SLC38A11: variants seen among roughly 807,000 people sequenced by gnomAD.
The protein encoded by SLC38A11 is solute carrier family 38 member 11.
A neutral mutation model predicts 49.4 loss-of-function variants in SLC38A11; 51 were observed. The observed-to-expected ratio is 1.03, with a 90% CI of 0.83 to 1.30. The LOEUF is 1.30. Ranked by LOEUF, SLC38A11 falls within the 50% of genes most tolerant of loss-of-function variation. The pLI, the probability that SLC38A11 is intolerant of heterozygous loss-of-function variation, is 0.00. For synonymous variants in SLC38A11, 203 were observed against 192.9 expected (o/e 1.05, Z -0.43); for missense variants, 574 against 556.2 (o/e 1.03, Z -0.32).
At chr2:164,938,224 G>A (rs779732452) in intron 6 of SLC38A11, among the ~76,000 whole-genome samples, 1 of 152,066 alleles carries the variant, frequency 6.6e-6, no homozygotes, top group Admixed American at 6.6e-5. Context: ...CTAGAAAGAA[G>A]TTTCTATTAT....
At chr2:164,935,157 T>C (rs1479995735) in intron 7 of SLC38A11, among the ~76,000 whole-genome samples, 1 of 151,954 alleles carries the variant, frequency 6.6e-6, no homozygotes, top group Non-Finnish European at 1.5e-5. Context: ...TATCACCTTG[T>C]ACTGTCATTG....
Position 164,952,898 on chromosome 2 carries a change from G to A in SLC38A11, c.155-117C>T, listed in dbSNP as rs919022491. 147 of 712,362 alleles carry A rather than the reference G, an allele frequency of 2.1e-4. 1 individual carries two copies. Among genetic ancestry groups the A allele is most frequent in the South Asian group, 1.9e-3 (114 of 61,312 alleles). 44.1% of individuals were successfully genotyped at this position (712,362 alleles called of 1,614,324 possible). A position where few individuals can be genotyped will look rare whatever the true frequency, so the allele number is the denominator to read the frequency against. On this transcript the variant is annotated intron_variant, in intron 2 of 11. Coordinates refer to ENST00000685975, the MANE Select transcript of SLC38A11 (RefSeq NM_001351537.2). ...AAGTCAATTTATATACTTATATGAC[G>A]TATTTGTAAGTTGCACATAGGACAG...
intron 3 of SLC38A11, among the ~76,000 whole-genome samples, chr2:164,947,362 C>T (rs746393450): frequency 2.0e-5 from 3 of 152,004 alleles, no homozygotes; most frequent in Non-Finnish European, 4.4e-5. Context: ...GAACTCCTGA[C>T]CTCAAGTGAT....
chr2:164,943,684 A>G (rs377184763), intron 5 of SLC38A11, among the ~76,000 whole-genome samples: 1 of 151,904 alleles, frequency 6.6e-6, no homozygotes, highest in East Asian at 1.9e-4. Context: ...TAGAGACAGA[A>G]TCTCTCTATG....
chr2:164,948,160 GGT>G (rs1468161963), intron 3 of SLC38A11, among the ~76,000 whole-genome samples: 9 of 152,288 alleles, frequency 5.9e-5, no homozygotes, highest in Admixed American at 3.3e-4. Context: ...CTTGAAGAGT[GGT>G]GTGAGGATTA....
chr2:164,933,433 T>C (rs149986080), intron 7 of SLC38A11, among the ~76,000 whole-genome samples: 4 of 152,174 alleles, frequency 2.6e-5, no homozygotes, highest in Admixed American at 1.3e-4. Context: ...CTGAAAGTCA[T>C]TGGACTGTGA....
At chr2:164,904,391 T>C (rs1214744179) in intron 11 of SLC38A11, among the ~76,000 whole-genome samples, 1 of 152,192 alleles carries the variant, frequency 6.6e-6, no homozygotes, top group Non-Finnish European at 1.5e-5. Flanking sequence ...TATTTCATTG[T>C]TGTCTACTGA....
intron 2 of SLC38A11, among the ~76,000 whole-genome samples, chr2:164,953,831 G>A (rs1012394488): frequency 6.6e-6 from 1 of 152,064 alleles, no homozygotes. Flanking sequence ...ATTGCATTTT[G>A]CAGGATTTTG....
chr2:164,902,473 T>C (rs1684722171), intron 11 of SLC38A11, among the ~76,000 whole-genome samples: 1 of 152,182 alleles, frequency 6.6e-6, no homozygotes, highest in African/African-American at 2.4e-5. Flanking sequence ...ACTATGTTTT[T>C]CTAAATTTAA....
In SLC38A11 at chr2:164,937,420, T is replaced by G; in HGVS notation, c.547A>C (p.Ile183Leu). 1 of 1,606,480 alleles carries G rather than the reference T, an allele frequency of 6.2e-7. No homozygotes were observed. The highest frequency in any genetic ancestry group is 8.5e-7 in the Non-Finnish European group (1 of 1,173,886). ...ATCAGAGTTGTTAAACCTGTAGAGA[T>G]GAGGGAGACCTGTAAAAGAAAATAC... ...NIAKLGKVSL[I>L]STGLTTLILG... The change falls in exon 7 of 12, where the codon ATC becomes CTC. Residue 183 changes from isoleucine to leucine, a missense_variant. Physicochemically the swap from Ile to Leu is conservative, Grantham distance 5 (BLOSUM62 2). Coordinates refer to ENST00000685975, the MANE Select transcript of SLC38A11 (RefSeq NM_001351537.2).
chr2:164,916,850 T>C (rs1361522244), intron 7 of SLC38A11, among the ~76,000 whole-genome samples: 1 of 152,148 alleles, frequency 6.6e-6, no homozygotes, highest in Non-Finnish European at 1.5e-5. Flanking sequence ...GTCAGTTAGC[T>C]TAAATTGTTC....
intron 7 of SLC38A11, among the ~76,000 whole-genome samples, chr2:164,928,749 T>G (rs1686773777): frequency 6.6e-6 from 1 of 152,148 alleles, no homozygotes; most frequent in Non-Finnish European, 1.5e-5. Flanking sequence ...TACCGCACTC[T>G]CAGATAATCA....
rs922962477 is a variant in SLC38A11, at chr2:164,915,361, G to C, written c.689-88C>G. 3.4e-5 allele frequency: 39 copies of C among 1,157,810 alleles called. No homozygotes were observed. In the South Asian group the frequency reaches 5.8e-4, roughly 17 times the overall value. The allele number at this position is 1,157,810 out of a possible 1,614,324, so 71.7% of individuals were successfully genotyped here. A position where few individuals can be genotyped will look rare whatever the true frequency, so the allele number is the denominator to read the frequency against. On this transcript the variant is annotated intron_variant, in intron 8 of 11. Coordinates refer to ENST00000685975, the MANE Select transcript of SLC38A11 (RefSeq NM_001351537.2). ...AAATTCAGAGATATATACTACTTTA[G>C]ATGCCAATGAACTGAAGTTTAAACA...
rs368927720 is a variant in SLC38A11, at chr2:164,915,930, T to C, written c.661A>G (p.Ile221Val). 5 of 1,603,686 alleles carry C rather than the reference T, an allele frequency of 3.1e-6. No homozygotes were observed. The highest frequency in any genetic ancestry group is 4.3e-6 in the Non-Finnish European group (5 of 1,172,398). The change falls in exon 8 of 12, where the codon ATT becomes GTT. Residue 221 changes from isoleucine to valine, a missense_variant. By Grantham distance (29) the Ile-to-Val change is conservative (BLOSUM62 3). Transcript: ENST00000685975. Reference sequence around the variant, plus strand: ...AAAGACATAACCCCGACCGCTTGAATGGCATTGGGCTTTGCAAATACCCAA... The same window carrying C: ...AAAGACATAACCCCGACCGCTTGAACGGCATTGGGCTTTGCAAATACCCAA... ...DAWVFAKPNA[I>V]QAVGVMSFAF...
At chr2:164,904,496 C>T (rs976980435) in intron 11 of SLC38A11, among the ~76,000 whole-genome samples, 1 of 152,064 alleles carries the variant, frequency 6.6e-6, no homozygotes, top group African/African-American at 2.4e-5. Flanking sequence ...TTTGGTGATA[C>T]TAAATAGTAG....
At chr2:164,946,307 C>T (rs756401222) in intron 3 of SLC38A11, among the ~76,000 whole-genome samples, 49 of 152,204 alleles carry the variant, frequency 3.2e-4, no homozygotes, top group Middle Eastern at 3.4e-3. Context: ...GTGGCTCACG[C>T]TTGTAATCCC....
chr2:164,954,710 T>C lies in SLC38A11; in HGVS notation c.75A>G (p.Glu25=). 1 of 1,539,346 alleles carries C rather than the reference T, an allele frequency of 6.5e-7. No individual in the cohort carries two copies. The highest frequency in any genetic ancestry group is 8.8e-7 in the Non-Finnish European group (1 of 1,140,662). The change falls in exon 2 of 12, where the codon GAA becomes GAG. Residue 25 remains glutamate, a synonymous_variant. Transcript: ENST00000685975. ...GACAGGTTTTCTCTTTATACTCATG[T>C]TCAGAAACAAGGGTTTCTCTGTCAT... ...DLDDRETLVS[E]HEYKEKTCQS... is the part of the protein sequence containing the mutation.
chr2:164,925,075 T>C (rs1257311227), intron 7 of SLC38A11, among the ~76,000 whole-genome samples: 1 of 152,186 alleles, frequency 6.6e-6, no homozygotes, highest in Non-Finnish European at 1.5e-5. Flanking sequence ...ATATGAATCA[T>C]ATAAAAAGCT....
intron 11 of SLC38A11, among the ~76,000 whole-genome samples, chr2:164,906,096 T>C (rs1458318565): frequency 6.6e-6 from 1 of 152,080 alleles, no homozygotes; most frequent in Non-Finnish European, 1.5e-5. Flanking sequence ...TTGATTAACT[T>C]GAAAACAAAA....
Sources: gnomAD v4.1 joint callset for allele counts (sites outside exome capture counted in the v4.1 genomes callset) on GRCh38, gnomAD v4.1.1 for gene constraint, MANE v1.5 for transcripts, NCBI Gene and HGNC (gene_info 2026-07-23, HGNC 2026-07-21) for gene names.